The following PHF19 variants were observed in gnomAD, a reference collection of about 807,000 sequenced individuals.
PHF19 encodes PHD finger protein 19.
In PHF19, 21 loss-of-function variants were observed where a neutral mutation model predicts 79.8. The ratio of observed to expected loss-of-function variants is 0.26; its 90% confidence interval spans 0.19 to 0.38. The LOEUF is 0.38. Ranked by LOEUF, PHF19 falls within the 10% of genes least tolerant of loss-of-function variation. PHF19 has a pLI of 1.00. For missense variants in PHF19, 445 were observed against 744.2 expected, an observed-to-expected ratio of 0.60 and a Z score of 4.68; for synonymous variants, 273 against 296.3, an observed-to-expected ratio of 0.92 and a Z score of 0.81.
intron 9 of PHF19, among the ~76,000 whole-genome samples, chr9:120,864,737 T>C (rs1054114373): frequency 5.9e-5 from 9 of 152,074 alleles, no homozygotes; most frequent in African/African-American, 9.7e-5. Context: ...TGGAAAAGTA[T>C]AATGTATACT....
rs919563911 is a variant in PHF19 at position 120,891,645 on chromosome 9, G to A, written c.42+3143C>T. ...CCTCGGGGAGTATAACCTTGAACTC[G>A]GAACCCCACTATATTTGCCATATTT... On this transcript the variant is annotated intron_variant, in intron 1 of 14. Coordinates refer to the PHF19 transcript ENST00000616568. This position sits in a 1 kb window ranked among gnomAD's most constrained non-coding sequence, Gnocchi z 4.3. 3.3e-5 allele frequency among the ~76,000 whole-genome samples: 5 copies of A among 152,244 alleles called. No homozygotes were observed. Among genetic ancestry groups the A allele is most frequent in the East Asian group, 1.9e-4 (1 of 5,180 alleles).
chr9:120,878,783 C>T (rs1259809015), upstream of PHF19, among the ~76,000 whole-genome samples: 2 of 152,198 alleles, frequency 1.3e-5, no homozygotes, highest in Non-Finnish European at 2.9e-5. Context: ...TGGGAGCAGC[C>T]CCATGGCACA....
At chr9:120,896,646 G>A (rs1385012703), upstream of PHF19, among the ~76,000 whole-genome samples, 3 of 151,756 alleles carry the variant, frequency 2.0e-5, no homozygotes, top group South Asian at 2.1e-4. Flanking sequence ...GTAGAGACGG[G>A]GTTTCACCGT....
At chr9:120,882,711 G>T (rs1040886044) in intron 1 of PHF19, among the ~76,000 whole-genome samples, 1 of 151,698 alleles carries the variant, frequency 6.6e-6, no homozygotes. Flanking sequence ...GCATGGTGGC[G>T]GCCACCTGTA....
At position 120,874,154 on chromosome 9, in the gene PHF19, T is replaced by C. The variant is rs2045981125; in HGVS notation, c.187-94A>G. On this transcript the variant is annotated intron_variant, in intron 2 of 14. Transcript: ENST00000373896. This position sits in a 1 kb window ranked among gnomAD's most constrained non-coding sequence, Gnocchi z 4.5. ...CTCCCCCATTTTTGTCTCCGTATGT[T>C]CCAGAAAGCAGGGCTAGAAGGGGAA... is the stretch of plus-strand genomic sequence containing the variant. The C allele has an allele frequency of 1.4e-6, 1 of 720,898 alleles. No homozygotes were observed. 44.7% of individuals were successfully genotyped at this position (720,898 alleles called of 1,614,324 possible). A position where few individuals can be genotyped will look rare whatever the true frequency, so the allele number is the denominator to read the frequency against.
Position 120,860,412 on chromosome 9 carries a change from A to C in PHF19, c.1305-227T>G. The C allele has an allele frequency of 1.9e-6, 1 of 520,496 alleles. No individual in the cohort carries two copies. The highest frequency in any genetic ancestry group is 3.4e-5 in the East Asian group (1 of 29,164). The allele number at this position is 520,496 out of a possible 1,614,324, so 32.2% of individuals were successfully genotyped here. ...ACCCTCCCCTGGCGGTGACGTAAGC[A>C]CTGGTGTCAATAACTCGAGCGTGAT... On this transcript the variant is annotated intron_variant, in intron 13 of 14. Coordinates refer to ENST00000373896, the MANE Select transcript of PHF19 (RefSeq NM_015651.3). This position sits in a 1 kb window ranked among gnomAD's most constrained non-coding sequence, Gnocchi z 4.1.
At chr9:120,876,581 G>C (rs989566509) in intron 1 of PHF19, 1 of 152,022 alleles carries the variant, frequency 6.6e-6, no homozygotes, top group Non-Finnish European at 1.5e-5. Context: ...CCGCGGCACC[G>C]GGAGCGCGGG....
At chr9:120,865,599 A>T in intron 9 of PHF19, 111 bp downstream of exon 9, 2 of 1,338,234 alleles carry the variant, frequency 1.5e-6, no homozygotes, top group Non-Finnish European at 1.0e-6. Flanking sequence ...GGACTCAGGG[A>T]TGCAGCAACT....
Position 120,857,675 on chromosome 9 carries a change from G to C in PHF19, c.*269C>G. On this transcript the variant is annotated 3_prime_UTR_variant, in exon 15 of 15. Coordinates refer to ENST00000373896, the MANE Select transcript of PHF19 (RefSeq NM_015651.3). ...TCCCAGCGCAGGGGACACAAGGTCA[G>C]AGAACAGATAAACAGAGTTTGAGGG... is the stretch of plus-strand genomic sequence containing the variant. 2.6e-6 allele frequency: 1 copy of C among 388,974 alleles called. No individual in the cohort carries two copies. Among genetic ancestry groups the C allele is most frequent in the East Asian group, 4.0e-5 (1 of 25,216 alleles). The allele number at this position is 388,974 out of a possible 1,614,324, so 24.1% of individuals were successfully genotyped here.
rs2045709657 is a variant in PHF19 at position 120,866,588 on chromosome 9, C to T, written c.710+282G>A. 6.6e-6 allele frequency among the ~76,000 whole-genome samples: 1 copy of T among 152,240 alleles called. No homozygotes were observed. The highest frequency in any genetic ancestry group is 2.4e-5 in the African/African-American group (1 of 41,454). On this transcript the variant is annotated intron_variant, in intron 7 of 14. Coordinates refer to ENST00000373896, the MANE Select transcript of PHF19 (RefSeq NM_015651.3). This position sits in a 1 kb window ranked among gnomAD's most constrained non-coding sequence, Gnocchi z 5.2. ...ACTGTGTCATCCCTTCTTCCCCAGACACTTAAGAGACTAGGGCATAGGGAA... is the reference window on the plus strand; with the variant it reads ...ACTGTGTCATCCCTTCTTCCCCAGATACTTAAGAGACTAGGGCATAGGGAA...
chr9:120,865,495 C>T (rs1021799239), intron 9 of PHF19, among the ~76,000 whole-genome samples: 1 of 152,222 alleles, frequency 6.6e-6, no homozygotes, highest in Non-Finnish European at 1.5e-5. Flanking sequence ...TCTAGGGCCT[C>T]AGCTCCCCTC....
chr9:120,884,128 G>A (rs1021814130), intron 1 of PHF19, among the ~76,000 whole-genome samples: 6 of 152,132 alleles, frequency 3.9e-5, no homozygotes, highest in Non-Finnish European at 5.9e-5. Flanking sequence ...GACTATTTGC[G>A]AGATATTTTG....
rs1008974924 is a variant in PHF19, at chr9:120,891,295, C to G, written c.42+3493G>C. 6.6e-6 allele frequency among the ~76,000 whole-genome samples: 1 copy of G among 152,038 alleles called. No homozygotes were observed. The highest frequency in any genetic ancestry group is 1.5e-5 in the Non-Finnish European group (1 of 68,014). On this transcript the variant is annotated intron_variant, in intron 1 of 14. Coordinates refer to the PHF19 transcript ENST00000616568. The surrounding 1 kb of genome is among the most constrained non-coding windows in gnomAD (Gnocchi z 4.3). ...TTTCCCCTTCTTCTCCTCTCCTTCCCTCCCCTCCCCTCTCTGAGGAACTTG... is the reference window on the plus strand; with the variant it reads ...TTTCCCCTTCTTCTCCTCTCCTTCCGTCCCCTCCCCTCTCTGAGGAACTTG...
At chr9:120,868,858 A>T in intron 6 of PHF19, 2 of 1,078,288 alleles carry the variant, frequency 1.9e-6, no homozygotes, top group Non-Finnish European at 2.2e-6. Flanking sequence ...CCGCCTCCCG[A>T]GGCCTCGCCC....
chr9:120,875,264 G>C (rs2046014151), intron 1 of PHF19, among the ~76,000 whole-genome samples: 1 of 152,184 alleles, frequency 6.6e-6, no homozygotes, highest in African/African-American at 2.4e-5. Context: ...AGCTAGTGTA[G>C]ACTGGGTCAT....
At chr9:120,873,140 C>G (rs575789618) in intron 3 of PHF19, among the ~76,000 whole-genome samples, 1 of 152,352 alleles carries the variant, frequency 6.6e-6, no homozygotes, top group East Asian at 1.9e-4. Flanking sequence ...GTCTACCTGA[C>G]CCTAAAATCT....
At chr9:120,861,814 G>C in intron 12 of PHF19, 104 bp downstream of exon 12, 1 of 814,682 alleles carries the variant, frequency 1.2e-6, no homozygotes, top group Non-Finnish European at 2.2e-6. Flanking sequence ...TAAGGGACAT[G>C]AGAGAGTCCT....
intron 12 of PHF19, among the ~76,000 whole-genome samples, chr9:120,861,415 A>G (rs2045521059): frequency 6.6e-6 from 1 of 152,216 alleles, no homozygotes; most frequent in Admixed American, 6.5e-5. Flanking sequence ...CAACTGCAAA[A>G]TGGGGACAAT....
intron 1 of PHF19, among the ~76,000 whole-genome samples, chr9:120,885,380 C>T (rs2046248192): frequency 6.6e-6 from 1 of 152,052 alleles, no homozygotes; most frequent in African/African-American, 2.4e-5. Flanking sequence ...AAGTTTGAGA[C>T]CAGCCTGGCC....
Sources: allele counts gnomAD v4.1 joint callset (sites outside exome capture counted in the v4.1 genomes callset), GRCh38; gene constraint gnomAD v4.1.1; non-coding constraint Gnocchi (gnomAD v3.1); transcripts MANE v1.5; gene names NCBI Gene and HGNC (gene_info 2026-07-23, HGNC 2026-07-21).